The following ZSCAN5A variants were observed in gnomAD, a reference collection of about 807,000 sequenced individuals.
ZSCAN5A encodes the protein zinc finger and SCAN domain-containing protein 5A.
ZSCAN5A carries 12 observed loss-of-function variants against 23.7 expected under a neutral mutation model. The observed-to-expected ratio is 0.51, with a 90% CI of 0.32 to 0.82. ZSCAN5A has a LOEUF of 0.82. Ranked by LOEUF, ZSCAN5A falls within the 40% of genes least tolerant of loss-of-function variation. The pLI is 0.03. For synonymous variants in ZSCAN5A, 257 were observed against 239.9 expected (o/e 1.07, Z -0.66); for missense variants, 597 against 617.9 (o/e 0.97, Z 0.36).
At chr19:56,353,098 C>A (rs1051502623) in intron 2 of ZSCAN5A, among the ~76,000 whole-genome samples, 1 of 152,160 alleles carries the variant, frequency 6.6e-6, no homozygotes. Flanking sequence ...ACACAGTTTA[C>A]CCCAGCTGAG....
chr19:56,290,714 A>G (rs2039451928), intron 2 of ZSCAN5A, among the ~76,000 whole-genome samples: 1 of 152,098 alleles, frequency 6.6e-6, no homozygotes, highest in Non-Finnish European at 1.5e-5. Flanking sequence ...AAATACATAA[A>G]CAGTTTAAAA....
In ZSCAN5A at chr19:56,365,514, C is replaced by T. The variant is rs76107700; in HGVS notation, c.-521-2116G>A. Among the ~76,000 whole-genome samples, 887 of 152,282 alleles carry T rather than the reference C, an allele frequency of 5.8e-3. 12 individuals are homozygous for T. The highest frequency in any genetic ancestry group is 0.019 in the African/African-American group (809 of 41,562). On this transcript the variant is annotated intron_variant, in intron 1 of 6. Transcript: ENST00000587340. ...AGTCTCATATGGATACAAAAGTGAA[C>T]GTGTTTAAAGACATTACTGAGACTT...
chr19:56,256,785 C>G (rs192638097), intron 2 of ZSCAN5A, among the ~76,000 whole-genome samples: 1 of 151,904 alleles, frequency 6.6e-6, no homozygotes, highest in Non-Finnish European at 1.5e-5. Context: ...AGTCGTGTGA[C>G]GATTGTGTCC....
At chr19:56,275,489 G>A (rs527594518) in intron 2 of ZSCAN5A, among the ~76,000 whole-genome samples, 6 of 152,142 alleles carry the variant, frequency 3.9e-5, no homozygotes, top group Non-Finnish European at 8.8e-5. Context: ...CCAGCACTTC[G>A]GGAGGCCAAC....
At chr19:56,321,378 C>G in intron 2 of ZSCAN5A, 1 of 642,126 alleles carries the variant, frequency 1.6e-6, no homozygotes, top group Non-Finnish European at 2.9e-6. Flanking sequence ...CAGCAGTTGG[C>G]TGGCAGATAG....
At chr19:56,240,178 A>T in intron 2 of ZSCAN5A, among the ~76,000 whole-genome samples, 1 of 145,290 alleles carries the variant, frequency 6.9e-6, no homozygotes, top group African/African-American at 2.5e-5. Context: ...AACCAAAAGA[A>T]GAAAAAAAAA....
chr19:56,336,005 C>T (rs2041532206), intron 2 of ZSCAN5A, among the ~76,000 whole-genome samples: 1 of 152,214 alleles, frequency 6.6e-6, no homozygotes, highest in Admixed American at 6.5e-5. Flanking sequence ...TTCTCTCTGG[C>T]TGCCCTTAAC....
chr19:56,267,137 G>A (rs150897146), intron 2 of ZSCAN5A, among the ~76,000 whole-genome samples: 25 of 152,186 alleles, frequency 1.6e-4, no homozygotes, highest in African/African-American at 5.8e-4. Flanking sequence ...GACAACTCTA[G>A]CTACGGCAGC....
exon 1 of ZSCAN5A, chr19:56,368,239 A>C (rs200221809): frequency 1.3e-5 from 2 of 152,382 alleles, no homozygotes; most frequent in East Asian, 1.9e-4. Context: ...TCTCTTAGCC[A>C]TGTACGCCTC....
intron 2 of ZSCAN5A, among the ~76,000 whole-genome samples, chr19:56,249,754 G>A (rs73069619): frequency 0.31 from 47,099 of 151,904 alleles, 7,324 homozygotes; most frequent in Middle Eastern, 0.44. Flanking sequence ...GTGTTGATAC[G>A]ATGGCCTCCT....
At chr19:56,273,013 C>G (rs1351419764) in intron 2 of ZSCAN5A, 1 of 370,144 alleles carries the variant, frequency 2.7e-6, no homozygotes, top group East Asian at 1.6e-4. Context: ...CTCCTGAAGT[C>G]TAACAGACTT....
At chr19:56,358,908 G>A (rs2041714959) in intron 2 of ZSCAN5A, among the ~76,000 whole-genome samples, 1 of 152,120 alleles carries the variant, frequency 6.6e-6, no homozygotes, top group East Asian at 1.9e-4. Context: ...CAGACTCTCT[G>A]GGATGCAGCT....
chr19:56,355,861 G>A (rs565954028), intron 2 of ZSCAN5A, among the ~76,000 whole-genome samples: 1 of 148,758 alleles, frequency 6.7e-6, no homozygotes, highest in African/African-American at 2.5e-5. Flanking sequence ...TGGGAAGAAG[G>A]TAATGATTAT....
chr19:56,248,874 C>G (rs893853672), intron 2 of ZSCAN5A, among the ~76,000 whole-genome samples: 3 of 152,094 alleles, frequency 2.0e-5, no homozygotes, highest in Non-Finnish European at 4.4e-5. Flanking sequence ...CATCAGTGAG[C>G]CTGCCTGGAC....
intron 2 of ZSCAN5A, among the ~76,000 whole-genome samples, chr19:56,236,683 A>C (rs1226119158): frequency 4.5e-5 from 5 of 112,260 alleles, no homozygotes; most frequent in African/African-American, 6.8e-5. Flanking sequence ...CGGTGGGCCA[A>C]GCCTCCATTC....
chr19:56,236,798 C>A (rs2034959516), intron 2 of ZSCAN5A, among the ~76,000 whole-genome samples: 2 of 148,524 alleles, frequency 1.3e-5, no homozygotes, highest in South Asian at 4.4e-4. Flanking sequence ...AGCCTCCATT[C>A]CAGCCTCTGA....
chr19:56,302,202 AG>A, intron 2 of ZSCAN5A: 1 of 733,980 alleles, frequency 1.4e-6, no homozygotes, highest in Non-Finnish European at 1.9e-6. Context: ...GGTGCCAAGC[AG>A]GAAGTGGTGG....
intron 2 of ZSCAN5A, among the ~76,000 whole-genome samples, chr19:56,269,705 A>G (rs1483600622): frequency 6.6e-6 from 1 of 152,182 alleles, no homozygotes; most frequent in East Asian, 1.9e-4. Context: ...AGGGTTGGAG[A>G]GAGATTTGAA....
chr19:56,354,838 G>A (rs548934108), intron 2 of ZSCAN5A, among the ~76,000 whole-genome samples: 1 of 152,250 alleles, frequency 6.6e-6, no homozygotes. Context: ...GTGTTTTAGG[G>A]ACAGAGTTAA....
Sources: gnomAD v4.1 joint callset for allele counts (sites outside exome capture counted in the v4.1 genomes callset) on GRCh38, gnomAD v4.1.1 for gene constraint, MANE v1.5 for transcripts, NCBI Gene and HGNC (gene_info 2026-07-23, HGNC 2026-07-21) for gene names.